Variants in KDSR observed in about 807,000 individuals in gnomAD.
The protein encoded by KDSR is 3-dehydrosphinganine reductase.
Under a neutral mutation model 41.3 loss-of-function variants are expected in KDSR, and 23 were observed. The ratio of observed to expected loss-of-function variants is 0.56; its 90% CI spans 0.40 to 0.79. The LOEUF is 0.79. KDSR is among the 30% of genes least tolerant of loss of function. KDSR has a pLI of 0.00. For synonymous variants in KDSR, 138 were observed against 151.7 expected, an observed-to-expected ratio of 0.91 and a Z score of 0.66; for missense variants, 351 against 416.8, an observed-to-expected ratio of 0.84 and a Z score of 1.37.
chr18:63,355,283 C>T lies in KDSR; in HGVS notation c.338G>A (p.Gly113Asp), dbSNP rs1914764938. 1.2e-6 allele frequency: 2 copies of T among 1,614,050 alleles called. No individual in the cohort carries two copies. The highest frequency in any genetic ancestry group is 4.5e-5 in the East Asian group (2 of 44,880). Residue 113 changes from glycine (G) to aspartate (D), a missense_variant, in exon 5 of 10, where the codon GGT (glycine) becomes GAT (aspartate). Coordinates refer to ENST00000645214, the MANE Select transcript of KDSR (RefSeq NM_002035.4). ...NVIKQAQEKLGPVDMLVNCAG... is the reference protein window; with the variant it reads ...NVIKQAQEKLDPVDMLVNCAG... Reference sequence around the variant, plus strand: ...ACAATTTACCAGCATGTCCACTGGACCCAGTTTCTCCTGTGCCTAGAAAAA... The same window carrying T: ...ACAATTTACCAGCATGTCCACTGGATCCAGTTTCTCCTGTGCCTAGAAAAA...
At chr18:63,351,563 G>T (rs1914662577) in intron 5 of KDSR, among the ~76,000 whole-genome samples, 1 of 152,112 alleles carries the variant, frequency 6.6e-6, no homozygotes, top group African/African-American at 2.4e-5. Context: ...GAATAAGAAA[G>T]TCAGACATTC....
intron 7 of KDSR, among the ~76,000 whole-genome samples, chr18:63,343,673 G>T (rs1914412938): frequency 6.6e-6 from 1 of 151,700 alleles, no homozygotes; most frequent in Non-Finnish European, 1.5e-5. Context: ...ACAGGCATGA[G>T]CCACACTGTG....
chr18:63,341,559 G>C (rs1914340918), intron 7 of KDSR, among the ~76,000 whole-genome samples: 1 of 151,512 alleles, frequency 6.6e-6, no homozygotes, highest in African/African-American at 2.4e-5. Flanking sequence ...GCTCCAGAGA[G>C]AATGAACACT....
At chr18:63,364,600 C>T (rs972474781) in intron 1 of KDSR, among the ~76,000 whole-genome samples, 3 of 152,090 alleles carry the variant, frequency 2.0e-5, no homozygotes, top group African/African-American at 7.2e-5. Context: ...TGCGCCAGCA[C>T]GCCCAACTAA....
Position 63,330,773 on chromosome 18 carries a change from A to G in KDSR, c.*1009T>C, listed in dbSNP as rs142034651. On this transcript the variant is annotated 3_prime_UTR_variant, in exon 10 of 10. Coordinates refer to ENST00000645214, the MANE Select transcript of KDSR (RefSeq NM_002035.4). ...TAATTAATTCATGAGTTAAGTTAAA[A>G]AGTCAAGTCGAAAATTTTAGCTGGT... 257 of 230,264 alleles carry G rather than the reference A, an allele frequency of 1.1e-3. 1 individual carries two copies. The highest frequency in any genetic ancestry group is 5.3e-3 in the African/African-American group (242 of 45,304). The allele number at this position is 230,264 out of a possible 1,614,324, so 14.3% of individuals were successfully genotyped here.
At chr18:63,346,639 T>C (rs1428218575) in intron 6 of KDSR, 1 of 152,134 alleles carries the variant, frequency 6.6e-6, no homozygotes, top group African/African-American at 2.4e-5. Flanking sequence ...ATAGCTGGGG[T>C]TGGGAGAAAC....
chr18:63,337,105 TATATGTGA>T lies in KDSR; in HGVS notation c.777+1687_777+1694del, dbSNP rs1289182153. On this transcript the variant is annotated intron_variant, in intron 8 of 9. Coordinates refer to ENST00000645214, the MANE Select transcript of KDSR (RefSeq NM_002035.4). ...ATATATATGTGACTTTATATATATA[TATATGTGA>T]ATATATATATATATATATATATATG... is the stretch of plus-strand genomic sequence containing the variant. 9.4e-3 allele frequency among the ~76,000 whole-genome samples: 292 copies of T among 31,172 alleles called. 20 individuals are homozygous for T. Among genetic ancestry groups the T allele is most frequent in the Non-Finnish European group, 0.014 (161 of 11,502 alleles). 20.5% of individuals were successfully genotyped at this position (31,172 alleles called of 152,430 possible).
At chr18:63,359,911 C>T (rs906063346) in intron 2 of KDSR, 119 bp from the exon 3 acceptor site, 2 of 724,416 alleles carry the variant, frequency 2.8e-6, no homozygotes, top group Admixed American at 4.0e-5. Flanking sequence ...AGAAAACACA[C>T]AAAACAGTAT....
intron 2 of KDSR, among the ~76,000 whole-genome samples, chr18:63,361,018 A>ATATATATATAATATAT (rs1568283919): frequency 1.1e-4 from 2 of 18,076 alleles, no homozygotes; most frequent in African/African-American, 2.6e-4. Context: ...ATATATATAA[A>ATATATATATAATATAT]ATATATAATA....
intron 3 of KDSR, among the ~76,000 whole-genome samples, chr18:63,356,019 G>A (rs1399474234): frequency 6.6e-6 from 1 of 152,200 alleles, no homozygotes; most frequent in African/African-American, 2.4e-5. Flanking sequence ...CAGCATTCTA[G>A]TCTAGAGGGG....
At chr18:63,343,460 C>T (rs978649266) in intron 7 of KDSR, among the ~76,000 whole-genome samples, 1 of 150,848 alleles carries the variant, frequency 6.6e-6, no homozygotes, top group Non-Finnish European at 1.5e-5. Context: ...ACAATCATGG[C>T]TCACTGCAGC....
At chr18:63,342,462 G>A (rs1323870013) in intron 7 of KDSR, among the ~76,000 whole-genome samples, 1 of 152,172 alleles carries the variant, frequency 6.6e-6, no homozygotes, top group Non-Finnish European at 1.5e-5. Flanking sequence ...GAGGAAAAAA[G>A]AATGAATCTA....
intron 3 of KDSR, among the ~76,000 whole-genome samples, chr18:63,356,393 C>T (rs369757767): frequency 1.3e-5 from 2 of 149,138 alleles, no homozygotes; most frequent in South Asian, 2.1e-4. Flanking sequence ...AGTGAGACTC[C>T]GTCTCAAAAA....
chr18:63,340,663 T>C (rs994889421), intron 7 of KDSR, among the ~76,000 whole-genome samples: 2 of 152,200 alleles, frequency 1.3e-5, no homozygotes, highest in Non-Finnish European at 2.9e-5. Flanking sequence ...TCATTTTATA[T>C]AAAAGATATG....
chr18:63,338,932 A>G (rs754089839), intron 7 of KDSR, 49 bp from the exon 8 acceptor site: 2 of 1,073,218 alleles, frequency 1.9e-6, no homozygotes, highest in Non-Finnish European at 2.7e-6. Flanking sequence ...TGCCCATTAC[A>G]TTAAAAATAA....
intron 5 of KDSR, among the ~76,000 whole-genome samples, 199 bp downstream of exon 5, chr18:63,355,005 A>G (rs1183214861): frequency 6.6e-6 from 1 of 152,200 alleles, no homozygotes; most frequent in East Asian, 1.9e-4. Flanking sequence ...TAAAATGTCT[A>G]AACTCTTAAG....
intron 1 of KDSR, 33 bp from the exon 2 acceptor site, chr18:63,362,901 T>C (rs1330654560): frequency 7.0e-7 from 1 of 1,429,038 alleles, no homozygotes; most frequent in Admixed American, 1.7e-5. Context: ...TCTTAGCACT[T>C]GAAATCTCCC....
intron 2 of KDSR, among the ~76,000 whole-genome samples, chr18:63,361,157 CCAAGA>C (rs1914972430): frequency 8.4e-6 from 1 of 119,726 alleles, no homozygotes; most frequent in East Asian, 2.7e-4. Flanking sequence ...TTGCAGTGAG[CCAAGA>C]CAGCGCCACT....
chr18:63,346,916 T>A (rs750484213), intron 6 of KDSR, among the ~76,000 whole-genome samples: 2 of 152,186 alleles, frequency 1.3e-5, no homozygotes, highest in Non-Finnish European at 2.9e-5. Context: ...CATCTACATC[T>A]TCTTTTAATC....
Sources: allele counts gnomAD v4.1 joint callset (sites outside exome capture counted in the v4.1 genomes callset), GRCh38; gene constraint gnomAD v4.1.1; transcripts MANE v1.5; gene names NCBI Gene and HGNC (gene_info 2026-07-23, HGNC 2026-07-21).